TAFA1: variants seen among roughly 807,000 people sequenced by gnomAD.
The protein encoded by TAFA1 is chemokine-like protein TAFA-1.
A neutral mutation model predicts 18.5 loss-of-function variants in TAFA1; 4 were observed. The ratio of observed to expected loss-of-function variants is 0.22; its 90% CI spans 0.11 to 0.49. The LOEUF (loss-of-function observed/expected upper bound fraction) is 0.49. TAFA1 is among the 20% of genes least tolerant of loss of function. The pLI is 0.98. For missense variants in TAFA1, 147 were observed against 169.0 expected (o/e 0.87, Z 0.72); for synonymous variants, 56 against 55.2 (o/e 1.01, Z -0.06).
At chr3:68,240,996 A>G (rs1260144736) in intron 2 of TAFA1, among the ~76,000 whole-genome samples, 1 of 152,118 alleles carries the variant, frequency 6.6e-6, no homozygotes, top group Non-Finnish European at 1.5e-5. Flanking sequence ...TCTAGTGTGG[A>G]TATTTTGATA....
At chr3:68,055,744 A>G (rs1389530801) in intron 2 of TAFA1, among the ~76,000 whole-genome samples, 1 of 152,052 alleles carries the variant, frequency 6.6e-6, no homozygotes, top group Non-Finnish European at 1.5e-5. Context: ...GAGTGCATTT[A>G]CACAGATGTC....
chr3:68,234,327 C>A (rs1575696076), intron 2 of TAFA1, among the ~76,000 whole-genome samples: 1 of 152,152 alleles, frequency 6.6e-6, no homozygotes, highest in African/African-American at 2.4e-5. Flanking sequence ...TCTATGGCAG[C>A]TTTCCAAGCA....
chr3:68,332,415 A>G (rs1010883002), intron 2 of TAFA1, among the ~76,000 whole-genome samples: 1 of 152,192 alleles, frequency 6.6e-6, no homozygotes, highest in Non-Finnish European at 1.5e-5. Flanking sequence ...AAATAATTAG[A>G]TTACATCAAA....
chr3:68,533,779 A>T (rs967347756), intron 3 of TAFA1, among the ~76,000 whole-genome samples: 62 of 152,230 alleles, frequency 4.1e-4, no homozygotes, highest in African/African-American at 1.4e-3. Flanking sequence ...GTGGCCTTCT[A>T]TCTTGCACTT....
chr3:68,450,453 A>T (rs906594163), intron 3 of TAFA1, among the ~76,000 whole-genome samples: 2 of 152,212 alleles, frequency 1.3e-5, no homozygotes, highest in African/African-American at 4.8e-5. Flanking sequence ...GTCTGTTGGT[A>T]AGTGAAGCCA....
At chr3:68,034,011 G>A (rs542275542) in intron 2 of TAFA1, among the ~76,000 whole-genome samples, 177 of 152,286 alleles carry the variant, frequency 1.2e-3, no homozygotes, top group African/African-American at 4.1e-3. Flanking sequence ...ATAGACCGGA[G>A]CAAAGATCTT....
At chr3:68,508,855 G>A (rs2072804799) in intron 3 of TAFA1, among the ~76,000 whole-genome samples, 1 of 152,046 alleles carries the variant, frequency 6.6e-6, no homozygotes, top group Non-Finnish European at 1.5e-5. Context: ...TAAGAGTTCA[G>A]TGATCACTAG....
intron 2 of TAFA1, among the ~76,000 whole-genome samples, chr3:68,142,065 C>G (rs921493170): frequency 3.3e-5 from 5 of 152,134 alleles, no homozygotes; most frequent in African/African-American, 1.2e-4. Flanking sequence ...TGCCCTTTTA[C>G]CTCTAGCTTA....
intron 2 of TAFA1, among the ~76,000 whole-genome samples, chr3:68,386,975 T>A (rs184962682): frequency 2.0e-5 from 3 of 152,270 alleles, no homozygotes; most frequent in Non-Finnish European, 2.9e-5. Flanking sequence ...ATACATATAC[T>A]TGCCCTACAT....
At chr3:68,406,437 TATTTC>T (rs1208272933) in intron 2 of TAFA1, among the ~76,000 whole-genome samples, 1 of 152,182 alleles carries the variant, frequency 6.6e-6, no homozygotes, top group Non-Finnish European at 1.5e-5. Context: ...TTCTAAGCCT[TATTTC>T]ATTTCAATTC....
chr3:68,538,416 G>T (rs1227019701), intron 3 of TAFA1, among the ~76,000 whole-genome samples: 2 of 152,080 alleles, frequency 1.3e-5, no homozygotes, highest in Non-Finnish European at 2.9e-5. Context: ...CCCAAAGTTA[G>T]CTTAGCCTAT....
chr3:68,193,920 G>T (rs987107009), intron 2 of TAFA1, among the ~76,000 whole-genome samples: 1 of 151,686 alleles, frequency 6.6e-6, no homozygotes, highest in Non-Finnish European at 1.5e-5. Flanking sequence ...GCTGACCTTG[G>T]CTGAATTTGG....
intron 2 of TAFA1, chr3:68,145,712 A>G: frequency 1.3e-6 from 1 of 753,154 alleles, no homozygotes; most frequent in Non-Finnish European, 2.4e-6. Context: ...TGTATTTTCA[A>G]TTTATTGGAT....
intron 3 of TAFA1, among the ~76,000 whole-genome samples, chr3:68,461,223 A>G (rs1378048015): frequency 6.6e-6 from 1 of 151,916 alleles, no homozygotes; most frequent in African/African-American, 2.4e-5. Context: ...GATAGGTTGC[A>G]AGGAGCCAAG....
At chr3:68,380,472 T>A (rs370724028) in intron 2 of TAFA1, among the ~76,000 whole-genome samples, 2,986 of 152,122 alleles carry the variant, frequency 0.02, 102 homozygotes, top group African/African-American at 0.068. Flanking sequence ...AACTGGTGTG[T>A]GATGGTATCT....
At chr3:68,257,947 T>A (rs1416594380) in intron 2 of TAFA1, among the ~76,000 whole-genome samples, 1 of 152,002 alleles carries the variant, frequency 6.6e-6, no homozygotes, top group Non-Finnish European at 1.5e-5. Flanking sequence ...ATCAGAAAAA[T>A]TCAATTTCAT....
At chr3:68,183,659 T>C (rs1385258607) in intron 2 of TAFA1, among the ~76,000 whole-genome samples, 1 of 152,158 alleles carries the variant, frequency 6.6e-6, no homozygotes, top group Non-Finnish European at 1.5e-5. Flanking sequence ...TGTTCATGCA[T>C]CACTTTTGAA....
rs1284322223 is a variant in TAFA1 at position 68,412,074 on chromosome 3, A to G, written c.119-5206A>G. Among the ~76,000 whole-genome samples, 6 of 152,134 alleles carry G rather than the reference A, an allele frequency of 3.9e-5. No homozygotes were observed. In the South Asian group the frequency reaches 1.2e-3, roughly 32 times the overall value. On this transcript the variant is annotated intron_variant, in intron 2 of 4. Coordinates refer to ENST00000478136, the MANE Select transcript of TAFA1 (RefSeq NM_213609.4). Reference sequence around the variant, plus strand: ...ATCAAAGAGCCTGTTATTTAGAGCAACACCTTCCTGGCCTCATGTGTGTAA... The same window carrying G: ...ATCAAAGAGCCTGTTATTTAGAGCAGCACCTTCCTGGCCTCATGTGTGTAA...
At chr3:68,100,700 C>G (rs2065137587) in intron 2 of TAFA1, among the ~76,000 whole-genome samples, 1 of 152,074 alleles carries the variant, frequency 6.6e-6, no homozygotes, top group African/African-American at 2.4e-5. Flanking sequence ...ATATCTCTTT[C>G]AATAATTCAA....
Sources: allele counts gnomAD v4.1 joint callset (sites outside exome capture counted in the v4.1 genomes callset), GRCh38; gene constraint gnomAD v4.1.1; transcripts MANE v1.5; gene names NCBI Gene and HGNC (gene_info 2026-07-23, HGNC 2026-07-21).